The following NTRK3 variants were observed in gnomAD, a reference collection of about 807,000 sequenced individuals.
NTRK3 encodes the protein NT-3 growth factor receptor.
Under a neutral mutation model 91.7 loss-of-function variants are expected in NTRK3, and 24 were observed. That is an observed-to-expected ratio of 0.26 (90% CI 0.19 to 0.37). The LOEUF (loss-of-function observed/expected upper bound fraction) is 0.37. NTRK3 is among the 10% of genes least tolerant of loss of function. The pLI is 1.00. For synonymous variants in NTRK3, 483 were observed against 404.0 expected, an observed-to-expected ratio of 1.20 and a Z score of -2.34; for missense variants, 880 against 1,068.9, an observed-to-expected ratio of 0.82 and a Z score of 2.46.
chr15:87,891,140 C>T (rs926539755), intron 17 of NTRK3, among the ~76,000 whole-genome samples: 1 of 152,090 alleles, frequency 6.6e-6, no homozygotes. Context: ...TTCAAAATAA[C>T]AGTTCAAATA....
intron 3 of NTRK3, among the ~76,000 whole-genome samples, chr15:88,249,088 T>C (rs904563261): frequency 2.6e-5 from 4 of 152,128 alleles, no homozygotes; most frequent in Non-Finnish European, 5.9e-5. Flanking sequence ...CCATGCTTGA[T>C]GATGCGTGTC....
intron 3 of NTRK3, among the ~76,000 whole-genome samples, chr15:88,217,764 AT>A (rs57874235): frequency 7.7e-5 from 11 of 143,786 alleles, no homozygotes; most frequent in African/African-American, 1.3e-4. Context: ...TTGTAGCACA[AT>A]TTTTTTTTTT....
chr15:88,115,036 G>A (rs2051883860), intron 13 of NTRK3, among the ~76,000 whole-genome samples: 5 of 152,210 alleles, frequency 3.3e-5, no homozygotes, highest in Admixed American at 3.3e-4. Context: ...CCATTTGTGA[G>A]TATTACCTTA....
chr15:87,917,800 C>A (rs2067553757), intron 17 of NTRK3, among the ~76,000 whole-genome samples: 2 of 152,170 alleles, frequency 1.3e-5, no homozygotes, highest in Admixed American at 1.3e-4. Context: ...CACTCCTGCT[C>A]CTCCTTTGCC....
At chr15:88,186,905 T>C (rs541272437) in intron 3 of NTRK3, among the ~76,000 whole-genome samples, 1 of 152,364 alleles carries the variant, frequency 6.6e-6, no homozygotes, top group African/African-American at 2.4e-5. Flanking sequence ...CCTATCTATA[T>C]GACCCTGTCC....
rs900826443 is a variant in NTRK3, at chr15:88,147,269, A to T, written c.464+66T>A. On this transcript the variant is annotated intron_variant, in intron 6 of 18. Transcript: ENST00000394480. ...AGCCTTCAGGTGGTTCCACTGCTTG[A>T]CACTCCTCCCCATCCACCCATTACC... 2.7e-6 allele frequency: 4 copies of T among 1,464,772 alleles called. No individual in the cohort carries two copies. The East Asian group carries it at 6.8e-5, about 25-fold the overall frequency. 90.7% of individuals were successfully genotyped at this position (1,464,772 alleles called of 1,614,324 possible). A position where few individuals can be genotyped will look rare whatever the true frequency, so the allele number is the denominator to read the frequency against.
intron 14 of NTRK3, among the ~76,000 whole-genome samples, chr15:88,016,633 T>C (rs1475784876): frequency 6.6e-6 from 1 of 152,226 alleles, no homozygotes; most frequent in Non-Finnish European, 1.5e-5. Context: ...TCCAACACTG[T>C]AAGATGATGG....
At chr15:88,056,203 T>TATATATATATA (rs554008074) in intron 13 of NTRK3, among the ~76,000 whole-genome samples, 18 of 60,214 alleles carry the variant, frequency 3.0e-4, no homozygotes, top group Admixed American at 5.0e-4. Flanking sequence ...TATATATATA[T>TATATATATATA]TTTTTTTTTA....
chr15:88,183,012 A>ACCCCCCCCCCCCCCCCCCCCCCCCCCCC (rs370707792), intron 5 of NTRK3, among the ~76,000 whole-genome samples: 1 of 119,998 alleles, frequency 8.3e-6, no homozygotes, highest in African/African-American at 3.1e-5. Context: ...TCTTCTTGCA[A>ACCCCCCCCCCCCCCCCCCCCCCCCCCCC]CCCCCCCCCG....
At chr15:87,943,208 A>C (rs1327570181) in intron 14 of NTRK3, among the ~76,000 whole-genome samples, 1 of 152,160 alleles carries the variant, frequency 6.6e-6, no homozygotes, top group African/African-American at 2.4e-5. Context: ...AATCACCAGA[A>C]CACGGCTTCT....
intron 13 of NTRK3, among the ~76,000 whole-genome samples, chr15:88,124,691 G>A (rs979978895): frequency 6.6e-5 from 10 of 152,116 alleles, no homozygotes; most frequent in African/African-American, 2.2e-4. Flanking sequence ...CTCAGTGGTC[G>A]TCTCATCTTC....
intron 14 of NTRK3, among the ~76,000 whole-genome samples, chr15:88,023,835 G>C (rs1052586675): frequency 6.6e-6 from 1 of 152,170 alleles, no homozygotes; most frequent in Admixed American, 6.5e-5. Flanking sequence ...GAAAGAACTA[G>C]AAAGACTTTT....
intron 14 of NTRK3, among the ~76,000 whole-genome samples, chr15:88,014,780 A>T (rs1207588940): frequency 6.6e-6 from 1 of 152,240 alleles, no homozygotes; most frequent in African/African-American, 2.4e-5. Context: ...TTGCAGGAAC[A>T]CGGTCTCTGA....
chr15:87,976,967 T>A (rs2073776939), intron 14 of NTRK3, among the ~76,000 whole-genome samples: 1 of 136,452 alleles, frequency 7.3e-6, no homozygotes, highest in Non-Finnish European at 1.6e-5. Flanking sequence ...AGAGAAGATT[T>A]CTGTGAGCCT....
rs945417275 is a variant in NTRK3 at position 88,233,475 on chromosome 15, G to A, written c.248+22431C>T. Among the ~76,000 whole-genome samples, 3 of 152,088 alleles carry A rather than the reference G, an allele frequency of 2.0e-5. No individual in the cohort carries two copies. The highest frequency in any genetic ancestry group is 4.1e-4 in the South Asian group (2 of 4,824). On this transcript the variant is annotated intron_variant, in intron 3 of 18. Transcript: ENST00000394480. This position sits in a 1 kb window ranked among gnomAD's most constrained non-coding sequence, Gnocchi z 4.2. ...GGCACCCCACGAAAGTTAGCACACT[G>A]AAACCACAGTTAGCATCCTCGAAAG...
chr15:88,042,096 C>G (rs1318211113), intron 13 of NTRK3, among the ~76,000 whole-genome samples: 2 of 152,090 alleles, frequency 1.3e-5, no homozygotes, highest in African/African-American at 4.8e-5. Context: ...CAACCTTTTC[C>G]TACTGATAGA....
At chr15:87,980,478 T>G (rs763634313) in intron 14 of NTRK3, among the ~76,000 whole-genome samples, 10 of 152,122 alleles carry the variant, frequency 6.6e-5, no homozygotes, top group African/African-American at 9.7e-5. Flanking sequence ...TGGATGTGTG[T>G]ATGTGTTTCC....
intron 12 of NTRK3, among the ~76,000 whole-genome samples, chr15:88,126,624 G>A (rs1459412637): frequency 6.6e-6 from 1 of 152,090 alleles, no homozygotes; most frequent in Admixed American, 6.5e-5. Flanking sequence ...TTCTCACCTG[G>A]GGCCATTCTA....
rs539102882 is a variant in NTRK3 at position 88,223,030 on chromosome 15, C to T, written c.248+32876G>A. Among the ~76,000 whole-genome samples, 113 of 152,140 alleles carry T rather than the reference C, an allele frequency of 7.4e-4. 2 individuals are homozygous for T. Among genetic ancestry groups the T allele is most frequent in the Middle Eastern group, 3.4e-3 (1 of 294 alleles). On this transcript the variant is annotated intron_variant, in intron 3 of 18. Coordinates refer to ENST00000394480, the Ensembl canonical transcript of NTRK3. ...GAGGAGGGAGAGGAAGGAGATGGGG[C>T]GATGGGGCTGGCAGGAGGGTGGGCG...
Sources: allele counts gnomAD v4.1 joint callset (sites outside exome capture counted in the v4.1 genomes callset), GRCh38; gene constraint gnomAD v4.1.1; non-coding constraint Gnocchi (gnomAD v3.1); transcripts MANE v1.5; gene names NCBI Gene and HGNC (gene_info 2026-07-23, HGNC 2026-07-21).